The following ANKRD30B variants were observed in gnomAD, a reference collection of about 807,000 sequenced individuals.
ANKRD30B encodes ankyrin repeat domain 30B.
In ANKRD30B, 144 loss-of-function variants were observed where a neutral mutation model predicts 202.2. The observed-to-expected ratio is 0.71, with a 90% CI of 0.62 to 0.82. The LOEUF (loss-of-function observed/expected upper bound fraction) is 0.82, where lower values mean the gene tolerates loss of function less well. ANKRD30B is among the 40% of genes least tolerant of loss of function. The pLI, the probability that ANKRD30B is intolerant of heterozygous loss-of-function variation, is 0.00. For synonymous variants in ANKRD30B, 508 were observed against 561.3 expected, an observed-to-expected ratio of 0.91 and a Z score of 1.34; for missense variants, 1,487 against 1,669.1, an observed-to-expected ratio of 0.89 and a Z score of 1.90.
At chr18:14,792,955 A>G (rs1329224012) in intron 16 of ANKRD30B, among the ~76,000 whole-genome samples, 1 of 152,170 alleles carries the variant, frequency 6.6e-6, no homozygotes, top group Non-Finnish European at 1.5e-5. Flanking sequence ...GTTGTTATTC[A>G]TAGGTATTTT....
intron 30 of ANKRD30B, among the ~76,000 whole-genome samples, chr18:14,820,637 T>C (rs200757374): frequency 6.6e-6 from 1 of 152,244 alleles, no homozygotes. Context: ...TTTTTTGTCT[T>C]TGGCTCTGTT....
At chr18:14,871,632 C>T in the ANKRD30B span, among the ~76,000 whole-genome samples, 4 of 152,112 alleles carry the variant, frequency 2.6e-5, 1 homozygote, top group East Asian at 7.8e-4. Context: ...TGGCTCATGC[C>T]TGTAAATCCT....
rs1415338808 is a variant in ANKRD30B at position 14,831,462 on chromosome 18, T to C, written c.2847+7T>C. ...CTTTAATCTTACTACCAAGGTAAAA[T>C]AGTCTCTTGTTAAATTGATTTTCTC... On this transcript the variant is annotated splice_region_variant and intron_variant, in intron 34 of 43. Coordinates refer to ENST00000690538, the MANE Select transcript of ANKRD30B (RefSeq NM_001367607.2). 6 of 1,466,088 alleles carry C rather than the reference T, an allele frequency of 4.1e-6. No homozygotes were observed. The highest frequency in any genetic ancestry group is 4.6e-6 in the Non-Finnish European group (5 of 1,083,584). The allele number at this position is 1,466,088 out of a possible 1,614,324, so 90.8% of individuals were successfully genotyped here. A position where few individuals can be genotyped will look rare whatever the true frequency, so the allele number is the denominator to read the frequency against.
chr18:14,882,060 T>G, the ANKRD30B span, among the ~76,000 whole-genome samples: 1 of 152,220 alleles, frequency 6.6e-6, no homozygotes, highest in Non-Finnish European at 1.5e-5. Flanking sequence ...ACCAACTTTT[T>G]GCTTTATTTA....
At chr18:14,848,508 G>C (rs1003903779) in intron 39 of ANKRD30B, among the ~76,000 whole-genome samples, 2 of 151,468 alleles carry the variant, frequency 1.3e-5, no homozygotes, top group Non-Finnish European at 2.9e-5. Flanking sequence ...AACTTTTCTG[G>C]GGCTTTGCTT....
the ANKRD30B span, among the ~76,000 whole-genome samples, chr18:14,869,912 G>A: frequency 1.1e-4 from 17 of 151,642 alleles, no homozygotes; most frequent in South Asian, 6.3e-4. Flanking sequence ...TTGGCTCACC[G>A]CAACCTCTGC....
chr18:14,796,462 C>G (rs1440493525), intron 18 of ANKRD30B, 47 bp downstream of exon 18: 8 of 1,501,420 alleles, frequency 5.3e-6, no homozygotes, highest in African/African-American at 4.2e-5. Flanking sequence ...GAATATTAAA[C>G]TATTTGAAAT....
At chr18:14,780,790 C>T (rs765379528) in intron 11 of ANKRD30B, among the ~76,000 whole-genome samples, 1 of 151,516 alleles carries the variant, frequency 6.6e-6, no homozygotes, top group African/African-American at 2.4e-5. Context: ...GTGTATTGTC[C>T]AGTATAGATC....
At chr18:14,750,532 A>T (rs1913258498) in intron 1 of ANKRD30B, among the ~76,000 whole-genome samples, 1 of 152,154 alleles carries the variant, frequency 6.6e-6, no homozygotes, top group African/African-American at 2.4e-5. Flanking sequence ...AAACAATTTG[A>T]TGGTAAGTAC....
At chr18:14,791,297 C>T (rs1298287083) in intron 15 of ANKRD30B, 104 bp from the exon 16 acceptor site, 1 of 937,232 alleles carries the variant, frequency 1.1e-6, no homozygotes, top group Non-Finnish European at 1.6e-6. Flanking sequence ...TGTTTGCAAA[C>T]TAGGAAATTG....
rs903917188 is a variant in ANKRD30B at position 14,840,603 on chromosome 18, G to C, written c.3004G>C (p.Asp1002His). ...TCTTTAACAGATTATCTCTGTGAGT[G>C]ATACACAGAATTATGAGTGTTTACC... ...TSDSEIISVS[D>H]TQNYECLPEA... Residue 1002 changes from aspartate to histidine, a missense_variant, in exon 37 of 44, where the codon GAT becomes CAT. Asp to His is a moderately conservative substitution (Grantham distance 81). This residue lies in a region of ANKRD30B where 218 missense variants were observed against 320.1 expected (regional missense o/e 0.68). Coordinates refer to ENST00000690538, the MANE Select transcript of ANKRD30B (RefSeq NM_001367607.2). 8 of 1,486,328 alleles carry C rather than the reference G, an allele frequency of 5.4e-6. No homozygotes were observed. The African/African-American group carries it at 8.5e-5, about 16-fold the overall frequency. 92.1% of individuals were successfully genotyped at this position (1,486,328 alleles called of 1,614,324 possible).
chr18:14,855,947 C>A (rs1240492834), downstream of ANKRD30B, among the ~76,000 whole-genome samples: 152 of 145,188 alleles, frequency 1.0e-3, no homozygotes, highest in African/African-American at 3.4e-3. Flanking sequence ...CTGGCAGAGG[C>A]GCTCCTCACC....
chr18:14,809,001 T>A (rs1882652580), intron 26 of ANKRD30B, among the ~76,000 whole-genome samples: 1 of 150,776 alleles, frequency 6.6e-6, no homozygotes, highest in South Asian at 2.1e-4. Flanking sequence ...TTGTCTTTGT[T>A]CCCAGGTGGA....
intron 15 of ANKRD30B, 108 bp from the exon 16 acceptor site, chr18:14,791,293 C>T: frequency 1.1e-6 from 1 of 904,894 alleles, no homozygotes; most frequent in Non-Finnish European, 1.7e-6. Context: ...GAATTGTTTG[C>T]AAACTAGGAA....
At chr18:14,916,424 G>A in the ANKRD30B span, among the ~76,000 whole-genome samples, 1 of 152,192 alleles carries the variant, frequency 6.6e-6, no homozygotes, top group Admixed American at 6.5e-5. Flanking sequence ...AATAGGCTGA[G>A]TTCTGTTGAA....
the ANKRD30B span, among the ~76,000 whole-genome samples, chr18:14,921,088 G>A: frequency 1.3e-5 from 2 of 152,254 alleles, no homozygotes; most frequent in South Asian, 4.1e-4. Flanking sequence ...TAATGAGGAA[G>A]TGATCAGGTG....
the ANKRD30B span, among the ~76,000 whole-genome samples, chr18:14,936,276 C>A: frequency 6.6e-6 from 1 of 152,192 alleles, no homozygotes; most frequent in African/African-American, 2.4e-5. Context: ...CCTTCATGTT[C>A]AATTTCCAGA....
At chr18:14,798,619 A>C (rs1568024740) in intron 20 of ANKRD30B, among the ~76,000 whole-genome samples, 1 of 152,116 alleles carries the variant, frequency 6.6e-6, no homozygotes, top group African/African-American at 2.4e-5. Context: ...CGTTCATAGC[A>C]CTATCTTATC....
At chr18:14,878,127 C>T in the ANKRD30B span, among the ~76,000 whole-genome samples, 42 of 152,270 alleles carry the variant, frequency 2.8e-4, 1 homozygote, top group African/African-American at 8.4e-4. Context: ...CTCATCTTGA[C>T]CGAGATGCTC....
Sources: gnomAD v4.1 joint callset for allele counts (sites outside exome capture counted in the v4.1 genomes callset) on GRCh38, gnomAD v4.1.1 for gene constraint, gnomAD v4.1.1 regional missense constraint, MANE v1.5 for transcripts, NCBI Gene and HGNC (gene_info 2026-07-23, HGNC 2026-07-21) for gene names.